Variants in ANK2 observed in about 807,000 individuals in gnomAD.
ANK2 encodes ankyrin-2.
Under a neutral mutation model 360.5 loss-of-function variants are expected in ANK2, and 83 were observed. That is an observed-to-expected ratio of 0.23 (90% CI 0.19 to 0.28). The LOEUF is 0.28. Ranked by LOEUF, ANK2 falls within the 10% of genes least tolerant of loss-of-function variation. ANK2 has a pLI of 1.00. For synonymous variants in ANK2, 1,740 were observed against 1,759.5 expected (o/e 0.99, Z 0.28); for missense variants, 4,201 against 4,795.7 (o/e 0.88, Z 3.66).
chr4:113,178,223 G>A (rs555829350), intron 2 of ANK2, among the ~76,000 whole-genome samples: 1 of 151,992 alleles, frequency 6.6e-6, no homozygotes, highest in South Asian at 2.1e-4. Flanking sequence ...GTGCCACTGT[G>A]CTTCAGCCTG....
chr4:112,733,967 G>A, the ANK2 span, among the ~76,000 whole-genome samples: 3 of 152,102 alleles, frequency 2.0e-5, no homozygotes, highest in Non-Finnish European at 2.9e-5. Flanking sequence ...TAGAGACGGG[G>A]TTTCACCATG....
At chr4:113,130,455 A>G (rs2154377493) in intron 1 of ANK2, among the ~76,000 whole-genome samples, 1 of 152,332 alleles carries the variant, frequency 6.6e-6, no homozygotes, top group South Asian at 2.1e-4. Flanking sequence ...AGTCAAATGT[A>G]TAATGATACT....
chr4:112,741,268 A>AT, the ANK2 span, among the ~76,000 whole-genome samples: 3 of 152,306 alleles, frequency 2.0e-5, no homozygotes, highest in African/African-American at 7.2e-5. Flanking sequence ...GGAGAAAGAG[A>AT]TTAGGTCAAC....
chr4:112,991,236 C>CAAAAA lies in ANK2; in HGVS notation c.21+86736_21+86740dup, dbSNP rs10687542. Among the ~76,000 whole-genome samples the CAAAAA allele has an allele frequency of 9.5e-4, 116 of 122,240 alleles. 2 individuals carry two copies. In the East Asian group the frequency reaches 0.018, roughly 19 times the overall value. The allele number at this position is 122,240 out of a possible 152,430, so 80.2% of individuals were successfully genotyped here. ...GCATTCCAGCCTGGTGACAGAGCCT[C>CAAAAA]AAAAAAAAAAAAAAAAAATCAAGAA... On this transcript the variant is annotated intron_variant, in intron 2 of 30. Transcript: ENST00000503271.
intron 9 of ANK2, among the ~76,000 whole-genome samples, chr4:113,246,076 G>A (rs1966338): frequency 0.64 from 97,606 of 152,096 alleles, 31,959 homozygotes; most frequent in South Asian, 0.76. Context: ...GATTACAGGC[G>A]TGAGCCACCA....
intron 1 of ANK2, among the ~76,000 whole-genome samples, chr4:112,843,573 G>T (rs190646977): frequency 2.6e-5 from 4 of 152,102 alleles, no homozygotes; most frequent in African/African-American, 9.7e-5. Flanking sequence ...TATGGAAAAG[G>T]TACTGAGAAT....
the ANK2 span, among the ~76,000 whole-genome samples, chr4:112,765,571 C>CTCT: frequency 6.6e-6 from 1 of 151,730 alleles, no homozygotes; most frequent in African/African-American, 2.4e-5. Flanking sequence ...ACTCACTTAG[C>CTCT]TCTTCTAAGT....
At chr4:112,988,986 C>T (rs554304726) in intron 2 of ANK2, among the ~76,000 whole-genome samples, 69 of 152,302 alleles carry the variant, frequency 4.5e-4, no homozygotes, top group African/African-American at 1.5e-3. Flanking sequence ...TCTGTTTTCT[C>T]TGTGTAGACA....
At chr4:112,811,036 C>A in the ANK2 span, among the ~76,000 whole-genome samples, 84 of 149,452 alleles carry the variant, frequency 5.6e-4, no homozygotes, top group African/African-American at 1.9e-3. Flanking sequence ...CCTGGGTTCA[C>A]GCCATTCTCC....
intron 20 of ANK2, among the ~76,000 whole-genome samples, chr4:113,290,898 G>A (rs1013589094): frequency 4.6e-5 from 7 of 152,118 alleles, no homozygotes; most frequent in African/African-American, 9.7e-5. Flanking sequence ...AAATGTTTAC[G>A]TAAACACTTC....
chr4:113,061,268 C>G (rs1561790435), intron 1 of ANK2, among the ~76,000 whole-genome samples: 1 of 152,090 alleles, frequency 6.6e-6, no homozygotes, highest in Non-Finnish European at 1.5e-5. Flanking sequence ...GGAACTTACA[C>G]TTACTGTAAC....
chr4:113,317,613 C>G (rs954035534), intron 24 of ANK2, 94 bp from the exon 25 acceptor site: 1 of 943,186 alleles, frequency 1.1e-6, no homozygotes, highest in Non-Finnish European at 1.7e-6. Flanking sequence ...GCTAATAGCA[C>G]GCTTTTTTCA....
chr4:112,958,279 G>A (rs1272230180), intron 2 of ANK2, among the ~76,000 whole-genome samples: 2 of 152,108 alleles, frequency 1.3e-5, no homozygotes, highest in African/African-American at 2.4e-5. Flanking sequence ...CCGAGATCAC[G>A]CCATTGCACT....
At chr4:113,099,049 A>G (rs1162364014) in intron 1 of ANK2, among the ~76,000 whole-genome samples, 2 of 152,006 alleles carry the variant, frequency 1.3e-5, no homozygotes, top group African/African-American at 2.4e-5. Context: ...TATAGCAAAT[A>G]TTAGACTTAA....
chr4:113,170,696 C>G (rs1323296690), intron 1 of ANK2, among the ~76,000 whole-genome samples: 2 of 152,168 alleles, frequency 1.3e-5, no homozygotes, highest in East Asian at 1.9e-4. Flanking sequence ...TATGAATGCA[C>G]ATTCCTCCCT....
chr4:113,069,989 C>G (rs964168920), intron 1 of ANK2: 1 of 152,176 alleles, frequency 6.6e-6, no homozygotes, highest in Non-Finnish European at 1.5e-5. Context: ...CATCCGAAGT[C>G]CTGGGGGATG....
At chr4:112,951,346 G>A (rs760099073) in intron 2 of ANK2, among the ~76,000 whole-genome samples, 2 of 151,966 alleles carry the variant, frequency 1.3e-5, no homozygotes, top group African/African-American at 4.8e-5. Flanking sequence ...GACATAAAAA[G>A]GTATTTGTGA....
At position 113,287,710 on chromosome 4, in the gene ANK2, C is replaced by G; in HGVS notation, c.2178+7C>G. On this transcript the variant is annotated splice_region_variant and intron_variant, in intron 19 of 45. Coordinates refer to ENST00000357077, the MANE Select transcript of ANK2 (RefSeq NM_001148.6). ...TCAGGATGCTCATACAAAGGTAAAG[C>G]AAATCACTCTCAGTATTGTGACAGG... 1 of 1,595,212 alleles carries G rather than the reference C, an allele frequency of 6.3e-7. No homozygotes were observed. The highest frequency in any genetic ancestry group is 8.6e-7 in the Non-Finnish European group (1 of 1,163,228).
At chr4:112,968,036 C>G (rs2038002552) in intron 2 of ANK2, among the ~76,000 whole-genome samples, 1 of 152,046 alleles carries the variant, frequency 6.6e-6, no homozygotes, top group South Asian at 2.1e-4. Context: ...GTTTTTTCCC[C>G]CAACCTCTCA....
Sources: allele counts gnomAD v4.1 joint callset (sites outside exome capture counted in the v4.1 genomes callset), GRCh38; gene constraint gnomAD v4.1.1; transcripts MANE v1.5; gene names NCBI Gene and HGNC (gene_info 2026-07-23, HGNC 2026-07-21).